The following PLXNA4 variants were observed in gnomAD, a reference collection of about 807,000 sequenced individuals.
PLXNA4 encodes plexin A4.
In PLXNA4, 44 loss-of-function variants were observed where a neutral mutation model predicts 191.8. The ratio of observed to expected loss-of-function variants is 0.23; its 90% CI spans 0.18 to 0.29. The LOEUF is 0.29. Among genes scored for constraint, PLXNA4 ranks in the 10% least tolerant of loss-of-function variants. The probability of loss-of-function intolerance (pLI) is 1.00; values close to 1 mark genes in which losing one functional copy is unlikely to be tolerated. For missense variants in PLXNA4, 1,800 were observed against 2,488.8 expected, an observed-to-expected ratio of 0.72 and a Z score of 5.89; for synonymous variants, 1,082 against 1,009.5, an observed-to-expected ratio of 1.07 and a Z score of -1.36.
intron 1 of PLXNA4, among the ~76,000 whole-genome samples, chr7:132,525,183 T>C (rs1352686637): frequency 2.0e-5 from 3 of 152,240 alleles, no homozygotes; most frequent in South Asian, 4.1e-4. Flanking sequence ...CCTTTGTGTC[T>C]AGCTGCTTTC....
At chr7:132,257,656 G>A (rs1194195919) in intron 4 of PLXNA4, among the ~76,000 whole-genome samples, 3 of 152,216 alleles carry the variant, frequency 2.0e-5, no homozygotes, top group Non-Finnish European at 2.9e-5. Flanking sequence ...GAGCCCACAG[G>A]TGGGCCAATT....
intron 9 of PLXNA4, among the ~76,000 whole-genome samples, chr7:132,217,259 C>T (rs562316145): frequency 5.3e-4 from 81 of 152,296 alleles, no homozygotes; most frequent in South Asian, 2.1e-3. Context: ...ATGTCCAGCA[C>T]GTTAGTGACT....
intron 2 of PLXNA4, among the ~76,000 whole-genome samples, chr7:132,587,447 T>A (rs1802522998): frequency 6.6e-6 from 1 of 152,234 alleles, no homozygotes. Flanking sequence ...TCTCCATCAC[T>A]TCGTGTGGTC....
Position 132,507,948 on chromosome 7 carries a change from C to T in PLXNA4, c.746G>A (p.Ser249Asn). Reference protein sequence around the residue: ...DFDIYYVYGFSSGNFVYFLTL... With the variant: ...DFDIYYVYGFNSGNFVYFLTL... ...CAAAAAGTAGACAAAGTTGCCACTGCTAAAACCATAGACATAGTAGATATC... is the reference window on the plus strand; with the variant it reads ...CAAAAAGTAGACAAAGTTGCCACTGTTAAAACCATAGACATAGTAGATATC... The change falls in exon 2 of 32, where the codon AGC becomes AAC. Residue 249 changes from serine to asparagine, a missense_variant. Physicochemically the swap from Ser to Asn is conservative, Grantham distance 46 (BLOSUM62 1). Around this residue, in one of 6 missense-constraint regions of PLXNA4, gnomAD observed 1,397 missense variants for 1,880.4 expected, o/e 0.74. Coordinates refer to ENST00000321063, the MANE Select transcript of PLXNA4 (RefSeq NM_020911.2). The T allele has an allele frequency of 6.2e-7, 1 of 1,614,136 alleles. No individual in the cohort carries two copies. The highest frequency in any genetic ancestry group is 1.6e-4 in the Middle Eastern group (1 of 6,062).
intron 16 of PLXNA4, among the ~76,000 whole-genome samples, chr7:132,183,022 C>T (rs1367785083): frequency 1.3e-5 from 2 of 152,164 alleles, no homozygotes; most frequent in Non-Finnish European, 2.9e-5. Context: ...TAGCCTGATC[C>T]CCAATCAAAG....
intron 4 of PLXNA4, among the ~76,000 whole-genome samples, chr7:132,284,212 C>A (rs1235446252): frequency 6.6e-6 from 1 of 152,196 alleles, no homozygotes; most frequent in Non-Finnish European, 1.5e-5. Context: ...ATCTGCTCAA[C>A]TCAGATTTGC....
At chr7:132,541,430 C>A (rs566292252) in intron 1 of PLXNA4, among the ~76,000 whole-genome samples, 1 of 152,366 alleles carries the variant, frequency 6.6e-6, no homozygotes, top group South Asian at 2.1e-4. Flanking sequence ...ATTCCTGCTT[C>A]AACTTTACTG....
At chr7:132,441,578 T>G (rs1217818878) in intron 3 of PLXNA4, among the ~76,000 whole-genome samples, 1 of 152,238 alleles carries the variant, frequency 6.6e-6, no homozygotes, top group Non-Finnish European at 1.5e-5. Context: ...ACTTAGCATT[T>G]CCATGGGCTC....
chr7:132,476,283 C>G (rs938552602), intron 3 of PLXNA4, among the ~76,000 whole-genome samples: 5 of 152,088 alleles, frequency 3.3e-5, no homozygotes, highest in African/African-American at 1.2e-4. Context: ...TGTTAAGGCC[C>G]CTGCAATTGC....
chr7:132,161,725 C>A (rs377104994), intron 24 of PLXNA4, among the ~76,000 whole-genome samples: 3 of 150,966 alleles, frequency 2.0e-5, no homozygotes, highest in African/African-American at 7.3e-5. Context: ...GGGCACCTAG[C>A]GCTCTGGCAG....
chr7:132,299,665 A>G (rs1371673433), intron 3 of PLXNA4, among the ~76,000 whole-genome samples: 2 of 152,146 alleles, frequency 1.3e-5, no homozygotes, highest in African/African-American at 4.8e-5. Context: ...TTCATTCATC[A>G]CGGCTCATGT....
chr7:132,507,725 G>A lies in PLXNA4; in HGVS notation c.969C>T (p.Gly323=). 1 of 1,614,198 alleles carries A rather than the reference G, an allele frequency of 6.2e-7. No homozygotes were observed. The highest frequency in any genetic ancestry group is 8.5e-7 in the Non-Finnish European group (1 of 1,180,044). ...CATCTGGATGGACTCCAAGGGTCCT[G>A]CCAAGCACGGCCCCCGCTTTGGACA... ...AYLSKAGAVL[G]RTLGVHPDDD... The change falls in exon 2 of 32, where the codon GGC becomes GGT. Residue 323 remains glycine (G), a synonymous_variant. Coordinates refer to ENST00000321063, the MANE Select transcript of PLXNA4 (RefSeq NM_020911.2).
At chr7:132,456,697 T>TGGAGGGGAGG (rs1261165621) in intron 3 of PLXNA4, among the ~76,000 whole-genome samples, 1 of 123,644 alleles carries the variant, frequency 8.1e-6, no homozygotes, top group African/African-American at 3.1e-5. Flanking sequence ...AAGAGGGCAG[T>TGGAGGGGAGG]GGAGGGGAGG....
intron 30 of PLXNA4, among the ~76,000 whole-genome samples, chr7:132,136,126 C>T (rs1330545225): frequency 1.3e-5 from 2 of 152,174 alleles, no homozygotes; most frequent in Non-Finnish European, 1.5e-5. Flanking sequence ...ACTCCCACTC[C>T]CTAGCCAGCA....
chr7:132,289,269 C>T (rs1366379675), intron 4 of PLXNA4, among the ~76,000 whole-genome samples: 1 of 152,230 alleles, frequency 6.6e-6, no homozygotes, highest in African/African-American at 2.4e-5. Flanking sequence ...TCTGACCACT[C>T]TCTTTTAAAA....
intron 3 of PLXNA4, among the ~76,000 whole-genome samples, chr7:132,435,756 G>T (rs277486): frequency 6.6e-6 from 1 of 152,126 alleles, no homozygotes; most frequent in South Asian, 2.1e-4. Flanking sequence ...TCCACAGCAC[G>T]TCCACTGAGC....
At position 132,333,238 on chromosome 7, in the gene PLXNA4, G is replaced by A. The variant is rs534082457; in HGVS notation, c.1372-35016C>T. ...GTGTGTGGCTAGTGGGGAATTTGTG[G>A]GAAGGGGTCTCCACAACTGGGGCTT... On this transcript the variant is annotated intron_variant, in intron 3 of 31. Transcript: ENST00000321063. Among the ~76,000 whole-genome samples, 20 of 152,304 alleles carry A rather than the reference G, an allele frequency of 1.3e-4. No homozygotes were observed. The East Asian group carries it at 3.5e-3, about 26-fold the overall frequency.
chr7:132,306,911 G>T (rs1285694949), intron 3 of PLXNA4, among the ~76,000 whole-genome samples: 1 of 152,196 alleles, frequency 6.6e-6, no homozygotes, highest in Non-Finnish European at 1.5e-5. Flanking sequence ...GCTGGGAAGG[G>T]TGCAGCAGGT....
chr7:132,342,500 C>A (rs1563046360), intron 3 of PLXNA4, among the ~76,000 whole-genome samples: 1 of 151,952 alleles, frequency 6.6e-6, no homozygotes, highest in Non-Finnish European at 1.5e-5. Context: ...GAAAGCACAA[C>A]CCCAAGCAAG....
Sources: gnomAD v4.1 joint callset for allele counts (sites outside exome capture counted in the v4.1 genomes callset) on GRCh38, gnomAD v4.1.1 for gene constraint, gnomAD v4.1.1 regional missense constraint, MANE v1.5 for transcripts, NCBI Gene and HGNC (gene_info 2026-07-23, HGNC 2026-07-21) for gene names.